RIN2: variants seen among roughly 807,000 people sequenced by gnomAD.
RIN2 encodes the protein RAB5 interacting protein 2.
Under a neutral mutation model 78.0 loss-of-function variants are expected in RIN2, and 36 were observed. The ratio of observed to expected loss-of-function variants is 0.46; its 90% CI spans 0.35 to 0.61. RIN2 has a LOEUF of 0.61. Among genes scored for constraint, RIN2 ranks in the 20% least tolerant of loss-of-function variants. RIN2 has a pLI of 0.00. For missense variants in RIN2, 1,087 were observed against 1,159.7 expected (o/e 0.94, Z 0.91); for synonymous variants, 466 against 466.8 (o/e 1.00, Z 0.02).
chr20:19,868,379 A>G (rs1235404482), intron 2 of RIN2, among the ~76,000 whole-genome samples: 1 of 152,362 alleles, frequency 6.6e-6, no homozygotes, highest in East Asian at 1.9e-4. Context: ...TCCTTAATGC[A>G]GTAAAATACC....
chr20:19,908,424 G>A (rs1276738692), intron 3 of RIN2, among the ~76,000 whole-genome samples: 2 of 151,680 alleles, frequency 1.3e-5, no homozygotes, highest in African/African-American at 4.8e-5. Flanking sequence ...CCGGGAGGCG[G>A]AGCGTGCATT....
intron 2 of RIN2, among the ~76,000 whole-genome samples, chr20:19,828,584 A>G (rs1444865582): frequency 6.6e-6 from 1 of 152,114 alleles, no homozygotes; most frequent in African/African-American, 2.4e-5. Flanking sequence ...CTATTCCTCC[A>G]TTCATCTCCA....
rs538310002 is a variant in RIN2 at position 19,893,794 on chromosome 20, G to A, written c.57+4136G>A. On this transcript the variant is annotated intron_variant, in intron 3 of 12. Transcript: ENST00000255006. ...GCTCCACAAAACATATGGCAGAGCCGGGCGCCATGGCTCACACCTGTAAAT... is the reference window on the plus strand; with the variant it reads ...GCTCCACAAAACATATGGCAGAGCCAGGCGCCATGGCTCACACCTGTAAAT... 1.5e-3 allele frequency among the ~76,000 whole-genome samples: 229 copies of A among 152,256 alleles called. 1 individual carries two copies. Among genetic ancestry groups the A allele is most frequent in the African/African-American group, 5.2e-3 (214 of 41,542 alleles).
intron 3 of RIN2, among the ~76,000 whole-genome samples, chr20:19,894,396 A>T (rs6046433): frequency 0.66 from 100,335 of 151,798 alleles, 33,654 homozygotes; most frequent in African/African-American, 0.79. Context: ...CTTTAAAAAA[A>T]TTTTTTTAAA....
chr20:19,812,588 G>A (rs1332230972), intron 2 of RIN2, among the ~76,000 whole-genome samples: 1 of 152,014 alleles, frequency 6.6e-6, no homozygotes, highest in Non-Finnish European at 1.5e-5. Flanking sequence ...GTAAGGGTTT[G>A]GATAATTGCA....
intron 1 of RIN2, among the ~76,000 whole-genome samples, chr20:19,796,653 A>G (rs149067212): frequency 5.3e-5 from 8 of 152,318 alleles, no homozygotes; most frequent in African/African-American, 1.9e-4. Flanking sequence ...TTCAGTGCAC[A>G]TTGGAATCAC....
intron 3 of RIN2, among the ~76,000 whole-genome samples, chr20:19,921,736 C>T: frequency 6.6e-6 from 1 of 152,158 alleles, no homozygotes; most frequent in East Asian, 1.9e-4. Context: ...TCAGGAAGTG[C>T]TCCCAAGAGA....
chr20:19,821,022 C>T (rs1383686410), intron 2 of RIN2, among the ~76,000 whole-genome samples: 1 of 151,956 alleles, frequency 6.6e-6, no homozygotes, highest in African/African-American at 2.4e-5. Flanking sequence ...GAACTGGCTG[C>T]AGAACATTGC....
chr20:19,920,020 C>T (rs1047504173), intron 3 of RIN2, among the ~76,000 whole-genome samples: 20 of 152,046 alleles, frequency 1.3e-4, no homozygotes, highest in African/African-American at 2.4e-4. Context: ...CCAGGCCGGG[C>T]GCAGTGGCTC....
chr20:19,965,800 C>T (rs1000374032), intron 7 of RIN2, among the ~76,000 whole-genome samples: 3 of 151,902 alleles, frequency 2.0e-5, no homozygotes, highest in Non-Finnish European at 4.4e-5. Context: ...TTAGTAGAGA[C>T]GGGTTTTCAC....
chr20:19,875,165 A>T (rs970302081), intron 2 of RIN2, among the ~76,000 whole-genome samples: 1 of 135,714 alleles, frequency 7.4e-6, no homozygotes, highest in Admixed American at 7.5e-5. Flanking sequence ...CCAGCAGATA[A>T]TTTTTTTTTT....
At chr20:19,990,767 C>T (rs73901365) in intron 10 of RIN2, among the ~76,000 whole-genome samples, 3,146 of 152,146 alleles carry the variant, frequency 0.021, 126 homozygotes, top group African/African-American at 0.071. Flanking sequence ...GAAATGTCAG[C>T]GATTATCATT....
intron 2 of RIN2, among the ~76,000 whole-genome samples, chr20:19,885,070 A>G (rs1246266351): frequency 6.6e-6 from 1 of 152,226 alleles, no homozygotes; most frequent in Non-Finnish European, 1.5e-5. Flanking sequence ...AAGCTTCTGT[A>G]GCCAACCTCA....
intron 1 of RIN2, among the ~76,000 whole-genome samples, chr20:19,765,977 A>G (rs1183100165): frequency 1.3e-5 from 2 of 152,012 alleles, no homozygotes; most frequent in African/African-American, 4.8e-5. Context: ...AGATGGGGAG[A>G]ATGGTCCTCC....
At chr20:19,861,405 AC>A (rs1600644573) in intron 2 of RIN2, among the ~76,000 whole-genome samples, 1 of 152,060 alleles carries the variant, frequency 6.6e-6, no homozygotes. Flanking sequence ...AGGCTCCTGA[AC>A]CTCCTCCTAG....
At chr20:19,792,799 C>T (rs1320890166) in intron 1 of RIN2, among the ~76,000 whole-genome samples, 1 of 152,198 alleles carries the variant, frequency 6.6e-6, no homozygotes, top group Non-Finnish European at 1.5e-5. Flanking sequence ...GGAGGGGGCT[C>T]AGCATAGTGC....
chr20:19,948,541 C>T (rs879454131), intron 4 of RIN2, among the ~76,000 whole-genome samples: 8 of 152,204 alleles, frequency 5.3e-5, no homozygotes, highest in South Asian at 2.1e-4. Flanking sequence ...ACTACAGGAG[C>T]GCGCCACCAC....
At chr20:19,864,929 T>C (rs181393670) in intron 2 of RIN2, among the ~76,000 whole-genome samples, 182 of 152,328 alleles carry the variant, frequency 1.2e-3, no homozygotes, top group African/African-American at 3.8e-3. Context: ...ACACTTTCTA[T>C]AGCATTCAAG....
intron 2 of RIN2, among the ~76,000 whole-genome samples, chr20:19,843,976 C>T (rs1199211192): frequency 6.6e-6 from 1 of 152,126 alleles, no homozygotes; most frequent in Non-Finnish European, 1.5e-5. Context: ...TTAAAAACAA[C>T]ATGATTTGGG....
Sources: gnomAD v4.1 joint callset for allele counts (sites outside exome capture counted in the v4.1 genomes callset) on GRCh38, gnomAD v4.1.1 for gene constraint, MANE v1.5 for transcripts, NCBI Gene and HGNC (gene_info 2026-07-23, HGNC 2026-07-21) for gene names.